The following SCHIP1 variants were observed in gnomAD, a reference collection of about 807,000 sequenced individuals.
SCHIP1 encodes schwannomin interacting protein 1, also known as schwannomin-interacting protein 1.
A neutral mutation model predicts 29.7 loss-of-function variants in SCHIP1; 8 were observed. That is an observed-to-expected ratio of 0.27 (90% CI 0.16 to 0.49). The LOEUF is 0.49. Ranked by LOEUF, SCHIP1 falls within the 20% of genes least tolerant of loss-of-function variation. SCHIP1 has a pLI of 0.99. For missense variants in SCHIP1, 193 were observed against 294.6 expected (o/e 0.66, Z 2.52); for synonymous variants, 76 against 94.9 (o/e 0.80, Z 1.16).
the SCHIP1 span, among the ~76,000 whole-genome samples, chr3:159,781,734 G>A: frequency 6.6e-6 from 1 of 152,102 alleles, no homozygotes; most frequent in Non-Finnish European, 1.5e-5. Flanking sequence ...AACACACATG[G>A]GTGCATCCCA....
chr3:159,680,017 T>G, the SCHIP1 span, among the ~76,000 whole-genome samples: 1 of 151,946 alleles, frequency 6.6e-6, no homozygotes, highest in African/African-American at 2.4e-5. Context: ...CTAAGCTCCC[T>G]GCTGTGCTTT....
At chr3:159,770,938 G>C in the SCHIP1 span, among the ~76,000 whole-genome samples, 1 of 152,186 alleles carries the variant, frequency 6.6e-6, no homozygotes, top group African/African-American at 2.4e-5. Flanking sequence ...CACATTTTAA[G>C]TGCAGTTTTA....
the SCHIP1 span, among the ~76,000 whole-genome samples, chr3:159,780,077 G>A: frequency 6.6e-6 from 1 of 152,170 alleles, no homozygotes; most frequent in Non-Finnish European, 1.5e-5. Flanking sequence ...GATTTTGGTG[G>A]AAGAGTAATT....
At chr3:159,757,173 A>G in the SCHIP1 span, among the ~76,000 whole-genome samples, 1 of 152,234 alleles carries the variant, frequency 6.6e-6, no homozygotes, top group Non-Finnish European at 1.5e-5. Flanking sequence ...CTGCTGATAA[A>G]GACATACCCA....
chr3:159,300,113 C>CTTTTTTTTTTTTTTTTTTT, the SCHIP1 span, among the ~76,000 whole-genome samples: 71 of 45,380 alleles, frequency 1.6e-3, 17 homozygotes, highest in Non-Finnish European at 2.2e-3. Flanking sequence ...GGGAAAGCTG[C>CTTTTTTTTTTTTTTTTTTT]TTTTTTTTTT....
chr3:159,723,531 G>C, the SCHIP1 span, among the ~76,000 whole-genome samples: 1 of 152,130 alleles, frequency 6.6e-6, no homozygotes, highest in Non-Finnish European at 1.5e-5. Flanking sequence ...ATATCTTATT[G>C]CATGATGTCA....
the SCHIP1 span, among the ~76,000 whole-genome samples, chr3:159,720,233 T>TGGGGGGA: frequency 7.0e-5 from 1 of 14,214 alleles, no homozygotes; most frequent in Non-Finnish European, 1.4e-4. Flanking sequence ...TATCGTGGGG[T>TGGGGGGA]GGGGGGAGGG....
the SCHIP1 span, among the ~76,000 whole-genome samples, chr3:159,631,222 C>A: frequency 6.7e-6 from 1 of 148,700 alleles, no homozygotes; most frequent in Non-Finnish European, 1.5e-5. Flanking sequence ...GATATCAAAA[C>A]CCTCATGCAT....
the SCHIP1 span, among the ~76,000 whole-genome samples, chr3:159,674,479 C>A: frequency 6.6e-6 from 1 of 151,712 alleles, no homozygotes. Context: ...GATACAACAA[C>A]TGGAAGTCCC....
chr3:159,669,460 G>A, the SCHIP1 span, among the ~76,000 whole-genome samples: 1 of 152,182 alleles, frequency 6.6e-6, no homozygotes, highest in Non-Finnish European at 1.5e-5. Flanking sequence ...TCTTTAAGAT[G>A]GATAACGGAT....
chr3:159,764,528 C>A, the SCHIP1 span: 1 of 1,587,794 alleles, frequency 6.3e-7, no homozygotes, highest in African/African-American at 1.3e-5. This position sits in a 1 kb window ranked among gnomAD's most constrained non-coding sequence, Gnocchi z 6.1. Context: ...TCCAACTCCA[C>A]CAAAGTGACC....
the SCHIP1 span, among the ~76,000 whole-genome samples, chr3:159,711,106 G>T: frequency 2.0e-5 from 3 of 151,970 alleles, no homozygotes; most frequent in Admixed American, 2.0e-4. Flanking sequence ...TTCTAACTGG[G>T]ACCTAAATAA....
chr3:159,327,261 C>T, the SCHIP1 span, among the ~76,000 whole-genome samples: 4 of 152,290 alleles, frequency 2.6e-5, no homozygotes, highest in Non-Finnish European at 5.9e-5. Context: ...TCCCATCCTC[C>T]TCTTCCTCGT....
At chr3:159,800,631 C>T in the SCHIP1 span, among the ~76,000 whole-genome samples, 2 of 152,066 alleles carry the variant, frequency 1.3e-5, no homozygotes, top group African/African-American at 2.4e-5. Context: ...ACTGGTGGCC[C>T]GTGAAGGTCC....
At chr3:159,846,834 C>A (rs1318242090) in intron 1 of SCHIP1, among the ~76,000 whole-genome samples, 1 of 151,598 alleles carries the variant, frequency 6.6e-6, no homozygotes, top group Admixed American at 6.6e-5. Flanking sequence ...GAGGGAGTAA[C>A]CTTTGAAATC....
chr3:159,517,307 G>A, the SCHIP1 span, among the ~76,000 whole-genome samples: 1 of 152,104 alleles, frequency 6.6e-6, no homozygotes, highest in South Asian at 2.1e-4. Flanking sequence ...AAGCTGAGTT[G>A]GCAGTTTTTT....
the SCHIP1 span, among the ~76,000 whole-genome samples, chr3:159,600,286 A>G: frequency 2.6e-5 from 4 of 152,284 alleles, no homozygotes; most frequent in African/African-American, 7.2e-5. Context: ...CATCTATTTC[A>G]TATTGTCTAA....
chr3:159,674,866 G>A, the SCHIP1 span, among the ~76,000 whole-genome samples: 1 of 152,168 alleles, frequency 6.6e-6, no homozygotes, highest in African/African-American at 2.4e-5. Context: ...TAGAAGCAGG[G>A]ATCAGGGAGA....
chr3:159,462,039 A>G, the SCHIP1 span, among the ~76,000 whole-genome samples: 2 of 151,966 alleles, frequency 1.3e-5, no homozygotes, highest in South Asian at 4.2e-4. Flanking sequence ...GTGAAACCCC[A>G]TCTCTACTAA....
Sources: allele counts gnomAD v4.1 joint callset (sites outside exome capture counted in the v4.1 genomes callset), GRCh38; gene constraint gnomAD v4.1.1; non-coding constraint Gnocchi (gnomAD v3.1); transcripts MANE v1.5; gene names NCBI Gene and HGNC (gene_info 2026-07-23, HGNC 2026-07-21).